Variants in GNAL observed in about 807,000 individuals in gnomAD.
GNAL encodes the protein guanine nucleotide-binding protein G(olf) subunit alpha.
In GNAL, 18 loss-of-function variants were observed where a neutral mutation model predicts 55.1. The observed-to-expected ratio is 0.33, with a 90% CI of 0.23 to 0.48. GNAL has a LOEUF of 0.48. GNAL is among the 20% of genes least tolerant of loss of function. The pLI is 0.99. For missense variants in GNAL, 412 were observed against 614.1 expected (o/e 0.67, Z 3.48); for synonymous variants, 253 against 237.0 (o/e 1.07, Z -0.62).
chr18:11,742,610 G>C (rs2032601992), intron 1 of GNAL, among the ~76,000 whole-genome samples: 1 of 152,250 alleles, frequency 6.6e-6, no homozygotes, highest in Non-Finnish European at 1.5e-5. Context: ...CGACCTCTGA[G>C]ACTGAGTTTC....
intron 1 of GNAL, among the ~76,000 whole-genome samples, chr18:11,698,444 T>C (rs1222890518): frequency 6.8e-6 from 1 of 147,418 alleles, no homozygotes; most frequent in Non-Finnish European, 1.5e-5. Context: ...TGAGCCAAGA[T>C]TGCACCACTA....
At chr18:11,775,824 T>C (rs2033767441) in intron 4 of GNAL, among the ~76,000 whole-genome samples, 1 of 152,188 alleles carries the variant, frequency 6.6e-6, no homozygotes, top group South Asian at 2.1e-4. Flanking sequence ...GGCAGAGATG[T>C]ATGGAATGCT....
At chr18:11,832,758 G>A (rs2035413640) in intron 5 of GNAL, among the ~76,000 whole-genome samples, 2 of 151,928 alleles carry the variant, frequency 1.3e-5, no homozygotes, top group African/African-American at 4.8e-5. Flanking sequence ...TACTCGGGAG[G>A]CTGAGGCAGG....
rs150021334 is a variant in GNAL, at chr18:11,777,880, A to C, written c.624+23935A>C. Among the ~76,000 whole-genome samples the C allele has an allele frequency of 8.2e-3, 1,244 of 152,262 alleles. 39 individuals carry two copies. The highest frequency in any genetic ancestry group is 0.053 in the Admixed American group (809 of 15,288). ...GCATCCCTGTCTTACAGACTAGAAA[A>C]AGGCAGTGCAGAGGTGAAGGTCACA... On this transcript the variant is annotated intron_variant, in intron 4 of 11. Transcript: ENST00000334049.
intron 1 of GNAL, among the ~76,000 whole-genome samples, chr18:11,715,575 A>G (rs1381133435): frequency 6.6e-6 from 1 of 152,122 alleles, no homozygotes; most frequent in Non-Finnish European, 1.5e-5. Context: ...CATTTTAGCC[A>G]GGGTGTGGAG....
chr18:11,871,485 G>A (rs1358745328), intron 9 of GNAL, among the ~76,000 whole-genome samples: 2 of 152,032 alleles, frequency 1.3e-5, no homozygotes, highest in African/African-American at 2.4e-5. Flanking sequence ...TCCTGACCTC[G>A]TGATCTGCCC....
At chr18:11,698,295 A>G (rs1173292170) in intron 1 of GNAL, among the ~76,000 whole-genome samples, 1 of 152,032 alleles carries the variant, frequency 6.6e-6, no homozygotes, top group East Asian at 1.9e-4. Flanking sequence ...GATCAAGATC[A>G]TCCTGGCCAA....
intron 4 of GNAL, among the ~76,000 whole-genome samples, chr18:11,783,629 T>G (rs2033981186): frequency 1.3e-5 from 2 of 152,138 alleles, no homozygotes; most frequent in Non-Finnish European, 2.9e-5. Context: ...ACCTATGTAA[T>G]TTTGCATTTT....
chr18:11,702,235 G>A (rs1236815672), intron 1 of GNAL: 1 of 152,284 alleles, frequency 6.6e-6, no homozygotes, highest in Non-Finnish European at 1.5e-5. Context: ...CCAGACACAG[G>A]AATCTGTAGA....
At chr18:11,851,503 C>T (rs775421267) in intron 5 of GNAL, 4 of 1,548,220 alleles carry the variant, frequency 2.6e-6, no homozygotes, top group Non-Finnish European at 3.5e-6. Flanking sequence ...CCAAAGGAGC[C>T]GTCCGACTAT....
chr18:11,852,183 CT>C, intron 5 of GNAL: 1 of 1,456,874 alleles, frequency 6.9e-7, no homozygotes, highest in Non-Finnish European at 9.1e-7. Context: ...TAGAGAGATA[CT>C]ATACCCTAGA....
At chr18:11,845,192 C>T (rs1480202107) in intron 5 of GNAL, among the ~76,000 whole-genome samples, 1 of 152,140 alleles carries the variant, frequency 6.6e-6, no homozygotes, top group Non-Finnish European at 1.5e-5. Context: ...AGATTGTAAG[C>T]TTAATGTTCA....
intron 4 of GNAL, 85 bp downstream of exon 4, chr18:11,754,030 A>C: frequency 1.0e-6 from 1 of 978,308 alleles, no homozygotes. Context: ...CAATATTGAT[A>C]CTAATTCATT....
At chr18:11,734,793 T>A (rs1394126606) in intron 1 of GNAL, among the ~76,000 whole-genome samples, 1 of 150,886 alleles carries the variant, frequency 6.6e-6, no homozygotes, top group Admixed American at 6.6e-5. Context: ...GGGGATTTAT[T>A]CTACTGGAGA....
chr18:11,811,226 C>G (rs919235038), intron 4 of GNAL, among the ~76,000 whole-genome samples: 2 of 152,182 alleles, frequency 1.3e-5, no homozygotes, highest in African/African-American at 4.8e-5. Context: ...GCCCTCCCCA[C>G]GGCTGATCGC....
chr18:11,797,073 G>C (rs1027673825), intron 4 of GNAL, among the ~76,000 whole-genome samples: 3 of 152,094 alleles, frequency 2.0e-5, no homozygotes, highest in African/African-American at 7.2e-5. Flanking sequence ...AGACTCAAGG[G>C]ATTATCCCAC....
intron 4 of GNAL, among the ~76,000 whole-genome samples, chr18:11,797,625 T>A (rs535649080): frequency 4.9e-4 from 75 of 152,138 alleles, no homozygotes; most frequent in African/African-American, 1.7e-3. Context: ...GTACCTGTAG[T>A]CCCAGCTACT....
At chr18:11,821,611 A>G (rs2035091550) in intron 4 of GNAL, among the ~76,000 whole-genome samples, 1 of 152,240 alleles carries the variant, frequency 6.6e-6, no homozygotes, top group African/African-American at 2.4e-5. Flanking sequence ...ATTGCGAAGG[A>G]AGTGAGAAAA....
chr18:11,735,927 C>T (rs983737513), intron 1 of GNAL, among the ~76,000 whole-genome samples: 6 of 152,098 alleles, frequency 3.9e-5, no homozygotes, highest in Admixed American at 1.3e-4. Context: ...AATTGTTTAT[C>T]GGATGCCTTC....
Sources: gnomAD v4.1 joint callset for allele counts (sites outside exome capture counted in the v4.1 genomes callset) on GRCh38, gnomAD v4.1.1 for gene constraint, MANE v1.5 for transcripts, NCBI Gene and HGNC (gene_info 2026-07-23, HGNC 2026-07-21) for gene names.